The following USH2A variants were observed in gnomAD, a reference collection of about 807,000 sequenced individuals.
The protein encoded by USH2A is Usher syndrome 2A (autosomal recessive, mild).
USH2A carries 443 observed loss-of-function variants against 538.9 expected under a neutral mutation model. That is an observed-to-expected ratio of 0.82 (90% CI 0.76 to 0.89). The LOEUF (loss-of-function observed/expected upper bound fraction) is 0.89. Among genes scored for constraint, USH2A ranks in the 40% least tolerant of loss-of-function variants. The probability of loss-of-function intolerance (pLI) is 0.00; values close to 1 mark genes in which losing one functional copy is unlikely to be tolerated. For missense variants in USH2A, 6,633 were observed against 6,324.8 expected (o/e 1.05, Z -1.65); for synonymous variants, 2,413 against 2,273.5 (o/e 1.06, Z -1.75).
intron 32 of USH2A, among the ~76,000 whole-genome samples, chr1:216,034,176 C>A (rs73094507): frequency 6.6e-6 from 1 of 151,850 alleles, no homozygotes; most frequent in Admixed American, 6.6e-5. Flanking sequence ...AACATTTGTG[C>A]GTGGAAGAAA....
In USH2A at chr1:215,743,371, C is replaced by CATATAT. The variant is rs376081393; in HGVS notation, c.11390-42_11390-37dup. On this transcript the variant is annotated intron_variant, in intron 58 of 71. Coordinates refer to ENST00000307340, the MANE Select transcript of USH2A (RefSeq NM_206933.4). ...AGAGAGAGAGAGAGAACATTAAAAA[C>CATATAT]ATATATATATATATATGTGTGTGTG... is the stretch of plus-strand genomic sequence containing the variant. 21,031 of 402,404 alleles carry CATATAT rather than the reference C, an allele frequency of 0.052. 2,057 individuals carry two copies. Among genetic ancestry groups the CATATAT allele is most frequent in the Non-Finnish European group, 0.064 (15,512 of 243,468 alleles). The allele number at this position is 402,404 out of a possible 1,614,324, so 24.9% of individuals were successfully genotyped here.
At chr1:216,417,519 C>T (rs1251237799) in intron 3 of USH2A, among the ~76,000 whole-genome samples, 6 of 152,006 alleles carry the variant, frequency 3.9e-5, no homozygotes, top group Non-Finnish European at 8.8e-5. Context: ...AACATGTAGA[C>T]GTTTTCTCAT....
intron 21 of USH2A, among the ~76,000 whole-genome samples, chr1:216,111,232 A>AAAAC (rs1203824407): frequency 3.3e-5 from 5 of 152,178 alleles, no homozygotes; most frequent in Non-Finnish European, 7.3e-5. Context: ...CTCCATCTCA[A>AAAAC]AAACAAACAA....
rs1331098720 is a variant in USH2A, at chr1:215,956,742, A to G, written c.7120+8575T>C. ...TGTTCATTATGTCAAGAAAATAGCC[A>G]ATTAGATATCAGACAAATTCAATAA... On this transcript the variant is annotated intron_variant, in intron 37 of 71. Transcript: ENST00000307340. 2.0e-5 allele frequency among the ~76,000 whole-genome samples: 3 copies of G among 152,170 alleles called. No homozygotes were observed. The East Asian group carries it at 5.8e-4, about 29-fold the overall frequency.
chr1:215,834,732 T>G (rs1266592057), intron 47 of USH2A, among the ~76,000 whole-genome samples: 3 of 152,100 alleles, frequency 2.0e-5, no homozygotes, highest in African/African-American at 7.2e-5. Flanking sequence ...TCTTTTGATC[T>G]GCACAGTAGT....
chr1:215,782,114 T>A lies in USH2A; in HGVS notation c.10668A>T (p.Gly3556=). ...ATGAATATTCCTGAAATGGTTGAAT[T>A]CCCTCTTTATCAGAGAAGCTCAGTG... ...GTSLSFSDKE[G]IQPFQEYSYQ... Residue 3556 remains glycine, a synonymous_variant, in exon 54 of 72, where the codon GGA becomes GGT. Transcript: ENST00000307340. 4 of 1,614,018 alleles carry A rather than the reference T, an allele frequency of 2.5e-6. No homozygotes were observed. The highest frequency in any genetic ancestry group is 3.4e-6 in the Non-Finnish European group (4 of 1,179,926).
intron 17 of USH2A, among the ~76,000 whole-genome samples, chr1:216,198,896 C>T (rs1235591699): frequency 6.6e-6 from 1 of 152,092 alleles, no homozygotes; most frequent in Non-Finnish European, 1.5e-5. Flanking sequence ...TAGGTAAATT[C>T]AATCTTTTTC....
Position 216,285,767 on chromosome 1 carries a change from C to T in USH2A, c.1971+3513G>A, listed in dbSNP as rs567636285. On this transcript the variant is annotated intron_variant, in intron 11 of 71. Coordinates refer to ENST00000307340, the MANE Select transcript of USH2A (RefSeq NM_206933.4). Reference sequence around the variant, plus strand: ...CTGCCCAAGGCTGTGGGAGCTACCTCTTGCATCAGCATGCCCTGGATGTAA... The same window carrying T: ...CTGCCCAAGGCTGTGGGAGCTACCTTTTGCATCAGCATGCCCTGGATGTAA... 6.6e-4 allele frequency among the ~76,000 whole-genome samples: 100 copies of T among 152,334 alleles called. 1 individual carries two copies. The highest frequency in any genetic ancestry group is 2.3e-3 in the African/African-American group (97 of 41,578).
At chr1:216,288,355 T>C (rs2102604921) in intron 11 of USH2A, among the ~76,000 whole-genome samples, 1 of 152,276 alleles carries the variant, frequency 6.6e-6, no homozygotes, top group Non-Finnish European at 1.5e-5. Flanking sequence ...TGCCCCCTTA[T>C]TGACACATGA....
intron 41 of USH2A, among the ~76,000 whole-genome samples, chr1:215,882,429 G>A (rs1320628395): frequency 7.4e-6 from 1 of 135,938 alleles, no homozygotes; most frequent in African/African-American, 2.6e-5. Context: ...TTGAAATAAA[G>A]TTGTCTTTCA....
At chr1:216,361,119 C>G (rs1228190291) in intron 4 of USH2A, among the ~76,000 whole-genome samples, 2 of 152,048 alleles carry the variant, frequency 1.3e-5, no homozygotes, top group African/African-American at 4.8e-5. Context: ...ATACAGAGAC[C>G]TGATTCACGA....
rs766607329 is a variant in USH2A at position 216,196,547 on chromosome 1, C to A, written c.4251+6G>T. The A allele has an allele frequency of 6.2e-7, 1 of 1,613,062 alleles. No individual in the cohort carries two copies. The highest frequency in any genetic ancestry group is 8.5e-7 in the Non-Finnish European group (1 of 1,179,364). ...CTGAAAGGACATTAGTTAAAAATAA[C>A]AATACCTGTGAAAACGCCATGGGAA... On this transcript the variant is annotated splice_donor_region_variant and intron_variant, in intron 19 of 71. Coordinates refer to ENST00000307340, the MANE Select transcript of USH2A (RefSeq NM_206933.4).
intron 3 of USH2A, among the ~76,000 whole-genome samples, chr1:216,376,865 C>T (rs2038832136): frequency 6.6e-6 from 1 of 152,064 alleles, no homozygotes; most frequent in African/African-American, 2.4e-5. Flanking sequence ...ATAGTCCTGC[C>T]ATATAAACAA....
chr1:215,719,021 G>T (rs1282439977), intron 61 of USH2A, among the ~76,000 whole-genome samples: 1 of 152,152 alleles, frequency 6.6e-6, no homozygotes, highest in Non-Finnish European at 1.5e-5. Context: ...TTGACTCACA[G>T]GTCAAACAGT....
intron 64 of USH2A, among the ~76,000 whole-genome samples, chr1:215,656,284 G>A (rs997371904): frequency 6.6e-6 from 1 of 152,034 alleles, no homozygotes; most frequent in Non-Finnish European, 1.5e-5. Flanking sequence ...ATTTCAAGGG[G>A]GTTCCTGATG....
chr1:216,380,745 A>G (rs1361763696), intron 3 of USH2A, among the ~76,000 whole-genome samples: 6 of 152,184 alleles, frequency 3.9e-5, no homozygotes, highest in Non-Finnish European at 7.4e-5. Flanking sequence ...TTTTTTCAGG[A>G]TAAAGAGATG....
chr1:215,752,068 T>TCTCTCTCTCTCTGTCTCTCTGC (rs1660638134), intron 58 of USH2A, among the ~76,000 whole-genome samples: 1 of 151,592 alleles, frequency 6.6e-6, no homozygotes, highest in South Asian at 2.1e-4. Flanking sequence ...AGAAGAAATG[T>TCTCTCTCTCTCTGTCTCTCTGC]CTCTCTCTCT....
intron 4 of USH2A, among the ~76,000 whole-genome samples, chr1:216,354,006 G>A (rs2038335035): frequency 6.6e-6 from 1 of 152,124 alleles, no homozygotes; most frequent in Non-Finnish European, 1.5e-5. Flanking sequence ...GGCATAGAAG[G>A]AGTAAGAAAG....
intron 21 of USH2A, among the ~76,000 whole-genome samples, chr1:216,173,075 G>A (rs2034302552): frequency 6.6e-6 from 1 of 152,014 alleles, no homozygotes; most frequent in Admixed American, 6.6e-5. Context: ...GGTTGCAGAG[G>A]GATTAAATAG....
Sources: allele counts gnomAD v4.1 joint callset (sites outside exome capture counted in the v4.1 genomes callset), GRCh38; gene constraint gnomAD v4.1.1; transcripts MANE v1.5; gene names NCBI Gene and HGNC (gene_info 2026-07-23, HGNC 2026-07-21).